Variants in TMPRSS15 observed in about 807,000 individuals in gnomAD.
TMPRSS15 encodes transmembrane serine protease 15.
TMPRSS15 carries 128 observed loss-of-function variants against 125.3 expected under a neutral mutation model. The observed-to-expected ratio is 1.02, with a 90% confidence interval of 0.89 to 1.18. The LOEUF is 1.18. TMPRSS15 is among the 50% of genes most tolerant of loss of function. The pLI is 0.00. For synonymous variants in TMPRSS15, 446 were observed against 423.2 expected, an observed-to-expected ratio of 1.05 and a Z score of -0.66; for missense variants, 1,283 against 1,212.7, an observed-to-expected ratio of 1.06 and a Z score of -0.86.
At chr21:18,481,038 A>G (rs1340883564) in intron 1 of TMPRSS15, among the ~76,000 whole-genome samples, 1 of 151,868 alleles carries the variant, frequency 6.6e-6, no homozygotes, top group African/African-American at 2.4e-5. Flanking sequence ...ATCAAACTTG[A>G]AACCAGAGGC....
chr21:18,372,257 A>T lies in TMPRSS15; in HGVS notation c.600T>A (p.Ala200=). The change falls in exon 6 of 25, where the codon GCT becomes GCA. Residue 200 remains alanine, a synonymous_variant. Coordinates refer to ENST00000284885, the MANE Select transcript of TMPRSS15 (RefSeq NM_002772.3). The stretch of plus-strand genomic sequence containing the variant: ...TTACTTCTCCATCACAAAATAAATC[A>T]GCTTTTATACACGTTAGAGCATCAG... The part of the protein sequence containing the change: ...PCTDALTCIK[A]DLFCDGEVNC... 6.2e-7 allele frequency: 1 copy of T among 1,613,460 alleles called. No individual in the cohort carries two copies. The highest frequency in any genetic ancestry group is 8.5e-7 in the Non-Finnish European group (1 of 1,179,626).
chr21:18,424,498 G>A (rs982103316), intron 1 of TMPRSS15, among the ~76,000 whole-genome samples: 2 of 152,142 alleles, frequency 1.3e-5, no homozygotes, highest in African/African-American at 2.4e-5. Context: ...TGGCATTCTT[G>A]CAAAATATGA....
At chr21:18,392,747 T>C (rs1288042014) in intron 3 of TMPRSS15, among the ~76,000 whole-genome samples, 1 of 152,184 alleles carries the variant, frequency 6.6e-6, no homozygotes, top group African/African-American at 2.4e-5. Context: ...CTCACAGTTC[T>C]GCATGACTGG....
chr21:18,413,576 C>T (rs1468041575), intron 1 of TMPRSS15, among the ~76,000 whole-genome samples: 1 of 145,458 alleles, frequency 6.9e-6, no homozygotes, highest in Non-Finnish European at 1.5e-5. Flanking sequence ...GCCACCACAC[C>T]TGGCTAACTT....
intron 24 of TMPRSS15, 111 bp from the exon 25 acceptor site, chr21:18,270,235 A>T: frequency 1.1e-6 from 1 of 936,380 alleles, no homozygotes; most frequent in Non-Finnish European, 1.6e-6. Flanking sequence ...AAAAAATATG[A>T]TTTAATTGCA....
chr21:18,333,669 C>T (rs17002565), intron 13 of TMPRSS15, among the ~76,000 whole-genome samples: 3 of 151,978 alleles, frequency 2.0e-5, no homozygotes, highest in Non-Finnish European at 2.9e-5. Flanking sequence ...ATCAATGCCC[C>T]GATCTGGTAG....
At chr21:18,283,963 G>A (rs75950953) in intron 21 of TMPRSS15, among the ~76,000 whole-genome samples, 4,160 of 152,192 alleles carry the variant, frequency 0.027, 173 homozygotes, top group African/African-American at 0.094. Flanking sequence ...AACCAGGAAC[G>A]TGCAGATTAA....
intron 23 of TMPRSS15, among the ~76,000 whole-genome samples, 190 bp from the exon 24 acceptor site, chr21:18,275,526 A>C (rs1217070276): frequency 6.6e-6 from 1 of 152,220 alleles, no homozygotes; most frequent in Non-Finnish European, 1.5e-5. Context: ...ATTGTGCCAA[A>C]TGGATAACAG....
chr21:18,345,315 T>A (rs1471373673), intron 10 of TMPRSS15, among the ~76,000 whole-genome samples: 1 of 152,204 alleles, frequency 6.6e-6, no homozygotes, highest in Admixed American at 6.5e-5. Context: ...ATTATATGAC[T>A]GCATGGAGAA....
chr21:18,348,251 T>G (rs1410569525), intron 10 of TMPRSS15, among the ~76,000 whole-genome samples: 1 of 152,106 alleles, frequency 6.6e-6, no homozygotes, highest in Non-Finnish European at 1.5e-5. Context: ...GATCTCTTTT[T>G]TGAACTATTA....
At chr21:18,435,078 C>A (rs2076224940) in intron 1 of TMPRSS15, among the ~76,000 whole-genome samples, 3 of 151,018 alleles carry the variant, frequency 2.0e-5, no homozygotes, top group Admixed American at 2.0e-4. Flanking sequence ...TAAAAAACAC[C>A]AATTTTTTTT....
chr21:18,425,831 T>C (rs2076201543), intron 1 of TMPRSS15, among the ~76,000 whole-genome samples: 2 of 152,168 alleles, frequency 1.3e-5, no homozygotes, highest in Admixed American at 6.5e-5. Context: ...ATCAGTATTC[T>C]GGGCTTCAAG....
intron 10 of TMPRSS15, among the ~76,000 whole-genome samples, chr21:18,344,820 C>T (rs774421236): frequency 6.6e-6 from 1 of 151,994 alleles, no homozygotes; most frequent in Admixed American, 6.6e-5. Context: ...TGACAGGAAG[C>T]GAGAATCATG....
intron 18 of TMPRSS15, among the ~76,000 whole-genome samples, chr21:18,307,727 T>C (rs768044216): frequency 3.9e-5 from 6 of 152,128 alleles, no homozygotes; most frequent in Non-Finnish European, 7.4e-5. Context: ...TTCCAATTCA[T>C]TGGAAGGAAC....
chr21:18,284,721 T>C (rs1601270091), intron 21 of TMPRSS15, among the ~76,000 whole-genome samples: 1 of 152,136 alleles, frequency 6.6e-6, no homozygotes, highest in South Asian at 2.1e-4. Flanking sequence ...ATCGCAAAGA[T>C]AGGGCATCTT....
At chr21:18,304,338 A>AT (rs2075006583) in intron 18 of TMPRSS15, among the ~76,000 whole-genome samples, 1 of 152,132 alleles carries the variant, frequency 6.6e-6, no homozygotes, top group South Asian at 2.1e-4. Flanking sequence ...GATGCTTTGT[A>AT]TAACTTCTAT....
intron 1 of TMPRSS15, among the ~76,000 whole-genome samples, chr21:18,432,197 C>T (rs1429053367): frequency 2.0e-5 from 3 of 152,124 alleles, no homozygotes; most frequent in Non-Finnish European, 4.4e-5. Context: ...TACTTGGAGG[C>T]CTCTTATTTA....
At chr21:18,304,615 A>G (rs2075009928) in intron 18 of TMPRSS15, among the ~76,000 whole-genome samples, 1 of 152,212 alleles carries the variant, frequency 6.6e-6, no homozygotes, top group Admixed American at 6.5e-5. Flanking sequence ...AGCAACATCT[A>G]TAATATGGTC....
chr21:18,407,114 C>A (rs925151525), upstream of TMPRSS15, among the ~76,000 whole-genome samples: 1 of 151,704 alleles, frequency 6.6e-6, no homozygotes, highest in Non-Finnish European at 1.5e-5. Flanking sequence ...AAGAGTGTAC[C>A]CGGAAACGAT....
Sources: gnomAD v4.1 joint callset for allele counts (sites outside exome capture counted in the v4.1 genomes callset) on GRCh38, gnomAD v4.1.1 for gene constraint, MANE v1.5 for transcripts, NCBI Gene and HGNC (gene_info 2026-07-23, HGNC 2026-07-21) for gene names.